CALN1: variants seen among roughly 807,000 people sequenced by gnomAD.
CALN1 encodes calcium-binding protein 8.
Under a neutral mutation model 30.6 loss-of-function variants are expected in CALN1, and 17 were observed. The observed-to-expected ratio is 0.56, with a 90% CI of 0.38 to 0.83. The LOEUF (loss-of-function observed/expected upper bound fraction) is 0.83, where lower values mean the gene tolerates loss of function less well. Ranked by LOEUF, CALN1 falls within the 40% of genes least tolerant of loss-of-function variation. The pLI, the probability that CALN1 is intolerant of heterozygous loss-of-function variation, is 0.00. For synonymous variants in CALN1, 156 were observed against 131.4 expected (o/e 1.19, Z -1.28); for missense variants, 291 against 354.9 (o/e 0.82, Z 1.45).
At chr7:72,330,453 G>A (rs899192781) in intron 2 of CALN1, among the ~76,000 whole-genome samples, 3 of 133,620 alleles carry the variant, frequency 2.2e-5, no homozygotes, top group African/African-American at 9.2e-5. Flanking sequence ...GGGCAACAGA[G>A]CAAGACTGTC....
At position 71,909,464 on chromosome 7, in the gene CALN1, A is replaced by G. The variant is rs977888193; in HGVS notation, c.502-98972T>C. 4.6e-5 allele frequency among the ~76,000 whole-genome samples: 7 copies of G among 152,216 alleles called. No homozygotes were observed. The East Asian group carries it at 1.3e-3, about 29-fold the overall frequency. ...GTTAAAAAAAAAAAGCAGACTGCTA[A>G]TAAAGGCTTTCTGTACTTCACATGG... is the stretch of plus-strand genomic sequence containing the variant. On this transcript the variant is annotated intron_variant, in intron 5 of 6. Transcript: ENST00000395275.
chr7:72,151,579 C>G (rs1787252779), intron 3 of CALN1, among the ~76,000 whole-genome samples: 1 of 152,138 alleles, frequency 6.6e-6, no homozygotes, highest in Non-Finnish European at 1.5e-5. Context: ...GTGCTGCCTC[C>G]CACTTGGGGG....
chr7:72,362,484 C>G (rs1200773823), intron 2 of CALN1, among the ~76,000 whole-genome samples: 1 of 152,218 alleles, frequency 6.6e-6, no homozygotes, highest in Non-Finnish European at 1.5e-5. Flanking sequence ...AAAGCCTCAT[C>G]TGGTCTGGGT....
intron 3 of CALN1, among the ~76,000 whole-genome samples, chr7:72,207,463 T>G (rs1437646120): frequency 6.6e-6 from 1 of 151,382 alleles, no homozygotes; most frequent in Non-Finnish European, 1.5e-5. Context: ...GCCAGTTTGT[T>G]TATTTAGTAG....
chr7:72,500,269 C>CTTTT, the CALN1 span, among the ~76,000 whole-genome samples: 594 of 51,394 alleles, frequency 0.012, 97 homozygotes, highest in African/African-American at 0.026. Context: ...TTCGTTCCTT[C>CTTTT]TTTTTTTTTT....
At chr7:71,807,688 C>A (rs1433255483) in intron 6 of CALN1, among the ~76,000 whole-genome samples, 1 of 151,794 alleles carries the variant, frequency 6.6e-6, no homozygotes, top group Non-Finnish European at 1.5e-5. Context: ...ACCTGTAATC[C>A]CAGCACTTTG....
intron 5 of CALN1, among the ~76,000 whole-genome samples, chr7:71,976,399 C>G (rs948360040): frequency 6.6e-6 from 1 of 152,184 alleles, no homozygotes; most frequent in South Asian, 2.1e-4. Flanking sequence ...CAGCACTGAG[C>G]CTGGCTCCTT....
rs1230558537 is a variant in CALN1 at position 72,067,409 on chromosome 7, AT to A, written c.388+38741del. On this transcript the variant is annotated intron_variant, in intron 4 of 6. Transcript: ENST00000395275. ...GATGCTATATTACCATGCCCAGCCAATTTTTTCTATTATTATTTTTAATACA... is the reference window on the plus strand; with the variant it reads ...GATGCTATATTACCATGCCCAGCCAATTTTTCTATTATTATTTTTAATACA... 4.0e-5 allele frequency among the ~76,000 whole-genome samples: 6 copies of A among 151,758 alleles called. No homozygotes were observed. In the South Asian group the frequency reaches 1.3e-3, roughly 32 times the overall value.
intron 5 of CALN1, among the ~76,000 whole-genome samples, chr7:72,017,881 T>A (rs1184145164): frequency 6.6e-6 from 1 of 152,102 alleles, no homozygotes; most frequent in African/African-American, 2.4e-5. Flanking sequence ...GTGGCAAAAG[T>A]AAGACACACA....
At chr7:72,038,500 C>T (rs142575856) in intron 4 of CALN1, among the ~76,000 whole-genome samples, 3 of 152,084 alleles carry the variant, frequency 2.0e-5, no homozygotes, top group Non-Finnish European at 4.4e-5. Context: ...CTCAGTCTCC[C>T]AGAGTGCTAG....
At chr7:72,052,907 T>C (rs4291140) in intron 4 of CALN1, among the ~76,000 whole-genome samples, 5 of 140,458 alleles carry the variant, frequency 3.6e-5, no homozygotes, top group Non-Finnish European at 6.5e-5. Flanking sequence ...AGGCCAGGTG[T>C]GGTGGCTCAC....
chr7:72,307,845 T>C (rs867612684), intron 2 of CALN1, among the ~76,000 whole-genome samples: 1 of 151,014 alleles, frequency 6.6e-6, no homozygotes, highest in Non-Finnish European at 1.5e-5. Context: ...CCTCAGGACA[T>C]CTGCTGGCAA....
At chr7:72,487,600 C>T in the CALN1 span, among the ~76,000 whole-genome samples, 1 of 150,502 alleles carries the variant, frequency 6.6e-6, no homozygotes, top group Admixed American at 6.7e-5. Flanking sequence ...GCAGAAGAAT[C>T]GGGTGAACCC....
chr7:71,893,910 G>GTA (rs1010277927), intron 5 of CALN1, among the ~76,000 whole-genome samples: 1 of 152,048 alleles, frequency 6.6e-6, no homozygotes, highest in South Asian at 2.1e-4. Flanking sequence ...AGAGATCTGT[G>GTA]TATGTTTTCT....
chr7:72,092,670 A>C (rs189766229), intron 4 of CALN1, among the ~76,000 whole-genome samples: 6 of 142,004 alleles, frequency 4.2e-5, no homozygotes, highest in Non-Finnish European at 9.1e-5. Context: ...TAAAATTCTA[A>C]AGTTATCATT....
At chr7:72,317,217 GA>G (rs369160164) in intron 2 of CALN1, among the ~76,000 whole-genome samples, 64 of 130,336 alleles carry the variant, frequency 4.9e-4, no homozygotes, top group Middle Eastern at 7.8e-3. Context: ...GGGAGGAAGA[GA>G]GAAAGAAAGA....
chr7:72,407,063 C>T (rs77708280), intron 1 of CALN1, among the ~76,000 whole-genome samples: 6 of 152,122 alleles, frequency 3.9e-5, no homozygotes, highest in African/African-American at 1.2e-4. Flanking sequence ...CCTGGGTCTA[C>T]GCTTTGAGTA....
At chr7:71,836,622 C>CTT (rs756689224) in intron 5 of CALN1, among the ~76,000 whole-genome samples, 2,596 of 132,600 alleles carry the variant, frequency 0.02, 45 homozygotes, top group Non-Finnish European at 0.028. Flanking sequence ...CTCTCTGTCT[C>CTT]TTTTTTTTTT....
chr7:72,443,130 G>GTCC (rs1402732165), intron 1 of CALN1, among the ~76,000 whole-genome samples: 13 of 152,300 alleles, frequency 8.5e-5, no homozygotes, highest in Admixed American at 7.8e-4. Flanking sequence ...TCAGGACCTC[G>GTCC]TCCTCCTCCT....
Sources: allele counts gnomAD v4.1 joint callset (sites outside exome capture counted in the v4.1 genomes callset), GRCh38; gene constraint gnomAD v4.1.1; transcripts MANE v1.5; gene names NCBI Gene and HGNC (gene_info 2026-07-23, HGNC 2026-07-21).